Variants in SAMD5 observed in about 807,000 individuals in gnomAD.
The protein encoded by SAMD5 is sterile alpha motif domain-containing protein 5.
In SAMD5, 13 loss-of-function variants were observed where a neutral mutation model predicts 11.3. That is an observed-to-expected ratio of 1.15 (90% CI 0.75 to 1.83). SAMD5 has a LOEUF of 1.83. Ranked by LOEUF, SAMD5 falls within the 40% of genes most tolerant of loss-of-function variation. The probability of loss-of-function intolerance (pLI) is 0.00; values close to 1 mark genes in which losing one functional copy is unlikely to be tolerated. For synonymous variants in SAMD5, 129 were observed against 111.3 expected (o/e 1.16, Z -1.00); for missense variants, 255 against 239.1 (o/e 1.07, Z -0.44).
At chr6:147,733,216 A>G (rs1026029988) in intron 1 of SAMD5, among the ~76,000 whole-genome samples, 2 of 152,256 alleles carry the variant, frequency 1.3e-5, no homozygotes, top group Admixed American at 1.3e-4. Context: ...AAGCATTAAT[A>G]ATTGAACAGC....
the SAMD5 span, among the ~76,000 whole-genome samples, chr6:147,878,605 C>A: frequency 2.0e-4 from 28 of 141,946 alleles, 2 homozygotes; most frequent in Admixed American, 1.4e-3. Context: ...ACATATATAT[C>A]TATATAGATA....
chr6:147,686,536 T>TA (rs1255065256), intron 1 of SAMD5, among the ~76,000 whole-genome samples: 1 of 152,216 alleles, frequency 6.6e-6, no homozygotes, highest in African/African-American at 2.4e-5. Flanking sequence ...ATCCTATCAC[T>TA]ACTGCTGTGC....
the SAMD5 span, among the ~76,000 whole-genome samples, chr6:147,895,197 G>A: frequency 2.0e-5 from 3 of 152,174 alleles, no homozygotes; most frequent in Non-Finnish European, 4.4e-5. Flanking sequence ...TATCTTTAAT[G>A]TATTGTCATT....
intron 1 of SAMD5, chr6:147,692,517 TAC>T (rs1791118330): frequency 6.6e-6 from 1 of 152,222 alleles, no homozygotes; most frequent in African/African-American, 2.4e-5. Flanking sequence ...AAGAAGGTCT[TAC>T]ATCTGCATTA....
At position 147,566,563 on chromosome 6, in the gene SAMD5, G is replaced by T. The variant is rs959319402; in HGVS notation, c.*2107G>T. 1.0e-6 allele frequency: 1 copy of T among 983,422 alleles called. No individual in the cohort carries two copies. The highest frequency in any genetic ancestry group is 1.1e-4 in the East Asian group (1 of 8,804). 60.9% of individuals were successfully genotyped at this position (983,422 alleles called of 1,614,324 possible). Reference sequence around the variant, plus strand: ...AGGCAATCTACTGCAATGGAAAAAGGGTTCCTTGGTCATTTCAAGTTTTAT... The same window carrying T: ...AGGCAATCTACTGCAATGGAAAAAGTGTTCCTTGGTCATTTCAAGTTTTAT... On this transcript the variant is annotated 3_prime_UTR_variant, in exon 2 of 2. Transcript: ENST00000367474.
At chr6:147,731,517 A>G (rs1012673100) in intron 1 of SAMD5, among the ~76,000 whole-genome samples, 1 of 151,956 alleles carries the variant, frequency 6.6e-6, no homozygotes, top group South Asian at 2.1e-4. Flanking sequence ...TTGAAAATCT[A>G]TTTCCTTTAT....
At chr6:147,929,188 T>A in the SAMD5 span, among the ~76,000 whole-genome samples, 6 of 152,308 alleles carry the variant, frequency 3.9e-5, no homozygotes, top group East Asian at 1.2e-3. Context: ...TTGTCTTCAC[T>A]TTTTTAATGG....
chr6:147,707,588 A>C (rs1301198024), intron 1 of SAMD5, among the ~76,000 whole-genome samples: 1 of 152,012 alleles, frequency 6.6e-6, no homozygotes, highest in Non-Finnish European at 1.5e-5. Flanking sequence ...TTTAATGTAA[A>C]ATTTTCATTA....
At chr6:147,744,517 G>A in the SAMD5 span, among the ~76,000 whole-genome samples, 7 of 152,264 alleles carry the variant, frequency 4.6e-5, no homozygotes, top group African/African-American at 1.4e-4. Context: ...GTGAGAAATT[G>A]TATCGGTGAA....
At chr6:147,661,485 G>C (rs1489596768) in intron 1 of SAMD5, among the ~76,000 whole-genome samples, 2 of 152,112 alleles carry the variant, frequency 1.3e-5, no homozygotes, top group African/African-American at 4.8e-5. Context: ...GAAATTGCCA[G>C]CCCCCAAATT....
the SAMD5 span, among the ~76,000 whole-genome samples, chr6:147,848,928 C>A: frequency 6.6e-6 from 1 of 151,956 alleles, no homozygotes; most frequent in Non-Finnish European, 1.5e-5. Flanking sequence ...TATATGAATT[C>A]TTTAGCTCAG....
chr6:147,546,812 T>G (rs1409175802), intron 1 of SAMD5, among the ~76,000 whole-genome samples: 1 of 152,178 alleles, frequency 6.6e-6, no homozygotes, highest in African/African-American at 2.4e-5. Flanking sequence ...TTTTAAAAAA[T>G]TTCTTGATAT....
chr6:147,509,422 C>A, intron 1 of SAMD5, 35 bp downstream of exon 1: 1 of 1,490,952 alleles, frequency 6.7e-7, no homozygotes, highest in Middle Eastern at 1.9e-4. Flanking sequence ...CCGGGGCGCG[C>A]GGCGGGAGGG....
chr6:147,710,480 C>T (rs533363117), intron 1 of SAMD5, among the ~76,000 whole-genome samples: 120 of 152,260 alleles, frequency 7.9e-4, no homozygotes, highest in African/African-American at 2.6e-3. Context: ...GTGAATCGTG[C>T]CTTTGTCCAG....
chr6:147,935,372 A>C, the SAMD5 span, among the ~76,000 whole-genome samples: 1 of 152,180 alleles, frequency 6.6e-6, no homozygotes, highest in Non-Finnish European at 1.5e-5. Context: ...ATTATGGGCC[A>C]GTCCTCATGG....
At chr6:147,519,393 A>T (rs1292709946) in intron 1 of SAMD5, among the ~76,000 whole-genome samples, 11 of 152,220 alleles carry the variant, frequency 7.2e-5, no homozygotes, top group Non-Finnish European at 1.6e-4. Context: ...ATAATTAAAC[A>T]CAGGAATACC....
intron 1 of SAMD5, among the ~76,000 whole-genome samples, chr6:147,628,556 C>G (rs536795437): frequency 3.9e-5 from 6 of 152,278 alleles, no homozygotes; most frequent in Admixed American, 1.3e-4. Context: ...ATCTGAATCT[C>G]AAAGGCATTT....
chr6:147,630,558 C>T (rs566976698), intron 1 of SAMD5, among the ~76,000 whole-genome samples: 5 of 152,190 alleles, frequency 3.3e-5, no homozygotes, highest in Non-Finnish European at 5.9e-5. Flanking sequence ...GACCCCCACC[C>T]CTGCCAGCCA....
At chr6:147,588,490 A>T (rs1355439506) in intron 1 of SAMD5, among the ~76,000 whole-genome samples, 1 of 151,120 alleles carries the variant, frequency 6.6e-6, no homozygotes, top group African/African-American at 2.4e-5. Flanking sequence ...TGCCCAGCTA[A>T]TTTTTTTGCA....
Sources: gnomAD v4.1 joint callset for allele counts (sites outside exome capture counted in the v4.1 genomes callset) on GRCh38, gnomAD v4.1.1 for gene constraint, MANE v1.5 for transcripts, NCBI Gene and HGNC (gene_info 2026-07-23, HGNC 2026-07-21) for gene names.